CRYZ: variants seen among roughly 807,000 people sequenced by gnomAD.
CRYZ encodes zeta-crystallin.
CRYZ carries 35 observed loss-of-function variants against 34.1 expected under a neutral mutation model. That is an observed-to-expected ratio of 1.03 (90% CI 0.78 to 1.36). The LOEUF is 1.36. CRYZ is among the 40% of genes most tolerant of loss of function. The pLI is 0.00. For synonymous variants in CRYZ, 137 were observed against 136.5 expected, an observed-to-expected ratio of 1.00 and a Z score of -0.03; for missense variants, 403 against 391.8, an observed-to-expected ratio of 1.03 and a Z score of -0.24.
rs150775456 is a variant in CRYZ, at chr1:74,724,471, T to C, written c.111+240A>G. Among the ~76,000 whole-genome samples the C allele has an allele frequency of 5.2e-4, 79 of 152,320 alleles. 1 individual carries two copies. The East Asian group carries it at 0.014, about 27-fold the overall frequency. ...AGAAAAATCCAATTATTGCACTACA[T>C]AGATCATTCCCTACATCAAAAATTT... On this transcript the variant is annotated intron_variant, in intron 2 of 8. Coordinates refer to ENST00000340866, the MANE Select transcript of CRYZ (RefSeq NM_001889.4).
intron 4 of CRYZ, among the ~76,000 whole-genome samples, 172 bp from the exon 5 acceptor site, chr1:74,714,802 A>G (rs1327589997): frequency 6.6e-6 from 1 of 152,168 alleles, no homozygotes; most frequent in Non-Finnish European, 1.5e-5. Flanking sequence ...GAATAAACAA[A>G]GCCTTCAATT....
intron 1 of CRYZ, among the ~76,000 whole-genome samples, chr1:74,730,816 T>A (rs1313287481): frequency 1.3e-5 from 2 of 152,164 alleles, no homozygotes; most frequent in African/African-American, 4.8e-5. Context: ...ATAGTGATAG[T>A]GAGACAGATT....
intron 1 of CRYZ, among the ~76,000 whole-genome samples, chr1:74,729,152 A>T (rs1402215262): frequency 6.7e-6 from 1 of 149,400 alleles, no homozygotes; most frequent in Non-Finnish European, 1.5e-5. Context: ...TTTTTTCAAC[A>T]TGACGTTACG....
intron 5 of CRYZ, among the ~76,000 whole-genome samples, chr1:74,711,464 G>A (rs1647002287): frequency 1.3e-5 from 2 of 152,216 alleles, no homozygotes; most frequent in South Asian, 4.1e-4. Flanking sequence ...GTAAGCTAAT[G>A]GGACTTCCTC....
intron 4 of CRYZ, among the ~76,000 whole-genome samples, chr1:74,716,389 C>T (rs1203544838): frequency 1.3e-5 from 2 of 152,240 alleles, no homozygotes; most frequent in East Asian, 1.9e-4. Flanking sequence ...TTCCCTGGTG[C>T]TCATAACACT....
At chr1:74,716,791 G>T (rs1022018599) in intron 4 of CRYZ, among the ~76,000 whole-genome samples, 3 of 152,072 alleles carry the variant, frequency 2.0e-5, no homozygotes, top group African/African-American at 7.2e-5. Flanking sequence ...GGACTCCATA[G>T]ATTGCCCAGC....
At chr1:74,716,898 C>T (rs1388570841) in intron 4 of CRYZ, among the ~76,000 whole-genome samples, 1 of 152,088 alleles carries the variant, frequency 6.6e-6, no homozygotes, top group African/African-American at 2.4e-5. Context: ...ATCTAGCTTC[C>T]TTGATACTCC....
chr1:74,716,197 CGTGTGT>C (rs946657951), intron 4 of CRYZ, among the ~76,000 whole-genome samples: 1 of 150,510 alleles, frequency 6.6e-6, no homozygotes, highest in African/African-American at 2.4e-5. Context: ...TCTGTGTGCG[CGTGTGT>C]GTGTGTGTGT....
chr1:74,730,049 C>T (rs1165807351), intron 1 of CRYZ, among the ~76,000 whole-genome samples: 1 of 152,098 alleles, frequency 6.6e-6, no homozygotes, highest in Admixed American at 6.6e-5. Context: ...ATATTTCTTT[C>T]ACTCACATCT....
In CRYZ at chr1:74,711,466, G is replaced by T. The variant is rs528327232; in HGVS notation, c.481-1219C>A. ...ATATAGTTTAGAGGTAAGCTAATGG[G>T]ACTTCCTCACAGATTGAATGCGGGA... is the stretch of plus-strand genomic sequence containing the variant. On this transcript the variant is annotated intron_variant, in intron 5 of 8. Coordinates refer to ENST00000340866, the MANE Select transcript of CRYZ (RefSeq NM_001889.4). Among the ~76,000 whole-genome samples the T allele has an allele frequency of 1.8e-4, 27 of 152,322 alleles. No homozygotes were observed. In the East Asian group the frequency reaches 4.6e-3, roughly 26 times the overall value.
chr1:74,715,267 T>C (rs1336782744), intron 4 of CRYZ, among the ~76,000 whole-genome samples: 1 of 152,214 alleles, frequency 6.6e-6, no homozygotes, highest in African/African-American at 2.4e-5. Context: ...AATGGCATTT[T>C]CTTTTTACTT....
At chr1:74,708,462 G>A (rs10890141) in intron 6 of CRYZ, 56,807 of 151,638 alleles carry the variant, frequency 0.37, 12,730 homozygotes, top group Non-Finnish European at 0.52. Context: ...ATAAAAGGGT[G>A]TATTAGCTCA....
chr1:74,707,825 G>C (rs1359414116), intron 6 of CRYZ: 1 of 152,078 alleles, frequency 6.6e-6, no homozygotes, highest in Non-Finnish European at 1.5e-5. Context: ...CTAGGTACCA[G>C]GAATACAAAT....
At chr1:74,731,856 C>A (rs1647767062) in intron 1 of CRYZ, among the ~76,000 whole-genome samples, 1 of 152,140 alleles carries the variant, frequency 6.6e-6, no homozygotes, top group South Asian at 2.1e-4. Context: ...TCTAGAAACT[C>A]AGTATAAACA....
chr1:74,727,193 T>C (rs772644611), intron 1 of CRYZ, among the ~76,000 whole-genome samples: 1 of 83,022 alleles, frequency 1.2e-5, no homozygotes, highest in Non-Finnish European at 3.9e-5. Context: ...CCCACTCTAA[T>C]GGTACCTATT....
At chr1:74,714,279 T>G (rs12073318) in intron 5 of CRYZ, among the ~76,000 whole-genome samples, 11,755 of 152,124 alleles carry the variant, frequency 0.077, 625 homozygotes, top group African/African-American at 0.14. Flanking sequence ...TAAATATTTT[T>G]ATAACATATG....
chr1:74,712,751 A>T (rs895351048), intron 5 of CRYZ, among the ~76,000 whole-genome samples: 9 of 152,192 alleles, frequency 5.9e-5, no homozygotes, highest in Non-Finnish European at 1.2e-4. Flanking sequence ...ATAAAACCAC[A>T]CTTTAAAAAG....
intron 6 of CRYZ, among the ~76,000 whole-genome samples, chr1:74,709,647 A>G (rs1646974502): frequency 6.6e-6 from 1 of 152,238 alleles, no homozygotes; most frequent in African/African-American, 2.4e-5. Flanking sequence ...TTTTGGATGC[A>G]GTAGTGATTA....
At chr1:74,719,140 C>T (rs1647117822) in intron 4 of CRYZ, 69 bp downstream of exon 4, 1 of 1,490,356 alleles carries the variant, frequency 6.7e-7, no homozygotes. Flanking sequence ...GGACAGACAG[C>T]TAGAAGGCAG....
Sources: allele counts gnomAD v4.1 joint callset (sites outside exome capture counted in the v4.1 genomes callset), GRCh38; gene constraint gnomAD v4.1.1; transcripts MANE v1.5; gene names NCBI Gene and HGNC (gene_info 2026-07-23, HGNC 2026-07-21).